PDK1: variants seen among roughly 807,000 people sequenced by gnomAD.
The protein encoded by PDK1 is pyruvate dehydrogenase kinase 1.
In PDK1, 39 loss-of-function variants were observed where a neutral mutation model predicts 54.2. The observed-to-expected ratio is 0.72, with a 90% CI of 0.56 to 0.94. The LOEUF (loss-of-function observed/expected upper bound fraction) is 0.94. Among genes scored for constraint, PDK1 ranks in the 40% least tolerant of loss-of-function variants. The probability of loss-of-function intolerance (pLI) is 0.00; values close to 1 mark genes in which losing one functional copy is unlikely to be tolerated. For synonymous variants in PDK1, 221 were observed against 207.1 expected (o/e 1.07, Z -0.58); for missense variants, 552 against 566.0 (o/e 0.98, Z 0.25).
Position 172,600,429 on chromosome 2 carries a change from A to AT in PDK1, c.*4463dup, listed in dbSNP as rs1691073471. ...AAACATATCTGGTTTAATATGAACT[A>AT]TTTCTTTTCATCTCTTTACTCTCAG... On this transcript the variant is annotated 3_prime_UTR_variant, in exon 11 of 11. Coordinates refer to ENST00000282077, the MANE Select transcript of PDK1 (RefSeq NM_002610.5). 6.6e-6 allele frequency: 1 copy of AT among 152,186 alleles called. No individual in the cohort carries two copies. The highest frequency in any genetic ancestry group is 1.5e-5 in the Non-Finnish European group (1 of 68,034). The allele number at this position is 152,186 out of a possible 1,614,324, so 9.4% of individuals were successfully genotyped here.
chr2:172,619,976 C>T, the PDK1 span, among the ~76,000 whole-genome samples: 7 of 152,116 alleles, frequency 4.6e-5, no homozygotes, highest in Non-Finnish European at 7.4e-5. Flanking sequence ...ACCAGCCTGG[C>T]CAACATGGCA....
chr2:172,582,626 A>T (rs1689975237), intron 8 of PDK1, among the ~76,000 whole-genome samples: 1 of 152,216 alleles, frequency 6.6e-6, no homozygotes. Flanking sequence ...TTTGTCATCA[A>T]AGGTACCATT....
chr2:172,691,267 C>G, the PDK1 span: 1 of 150,416 alleles, frequency 6.6e-6, no homozygotes, highest in East Asian at 2.1e-4. Context: ...ATTGATAAGC[C>G]TACATTGACA....
chr2:172,565,178 C>T (rs1268546138), intron 5 of PDK1, 105 bp downstream of exon 5: 7 of 699,096 alleles, frequency 1.0e-5, no homozygotes, highest in Non-Finnish European at 1.8e-5. Flanking sequence ...AAATGGTAGG[C>T]ACAAATGCAT....
In PDK1 at chr2:172,592,949, T is replaced by C. The variant is rs1450452449; in HGVS notation, c.1071T>C (p.Tyr357=). The C allele has an allele frequency of 1.9e-6, 3 of 1,609,090 alleles. No individual in the cohort carries two copies. The South Asian group carries it at 3.3e-5, about 18-fold the overall frequency. ...SRAVPLAGFG[Y]GLPISRLYAQ... ...TCATCAAACAGGCTGGTTTTGGTTATGGATTGCCCATATCACGTCTTTACG... is the reference window on the plus strand; with the variant it reads ...TCATCAAACAGGCTGGTTTTGGTTACGGATTGCCCATATCACGTCTTTACG... The change falls in exon 10 of 11, where the codon TAT becomes TAC. Residue 357 remains tyrosine (Y), a synonymous_variant. Coordinates refer to ENST00000282077, the MANE Select transcript of PDK1 (RefSeq NM_002610.5).
At chr2:172,661,444 C>T in the PDK1 span, among the ~76,000 whole-genome samples, 1 of 152,074 alleles carries the variant, frequency 6.6e-6, no homozygotes, top group African/African-American at 2.4e-5. Flanking sequence ...GGGGAAATAC[C>T]ACATAATCAT....
Position 172,556,389 on chromosome 2 carries a change from G to A in PDK1, c.196+43G>A, listed in dbSNP as rs753277858. On this transcript the variant is annotated intron_variant, in intron 1 of 10. Coordinates refer to ENST00000282077, the MANE Select transcript of PDK1 (RefSeq NM_002610.5). ...CCTTGGGCCTTTTTGCGCGGTCCCG[G>A]GCGGGGAGCTGCGGCCGCTGCCCCA... 1.7e-4 allele frequency: 223 copies of A among 1,339,806 alleles called. 2 individuals carry two copies. Among genetic ancestry groups the A allele is most frequent in the Middle Eastern group, 4.1e-4 (2 of 4,876 alleles). 83.0% of individuals were successfully genotyped at this position (1,339,806 alleles called of 1,614,324 possible). A position where few individuals can be genotyped will look rare whatever the true frequency, so the allele number is the denominator to read the frequency against.
intron 9 of PDK1, among the ~76,000 whole-genome samples, chr2:172,589,778 A>T (rs1361088011): frequency 6.6e-6 from 1 of 152,206 alleles, no homozygotes; most frequent in East Asian, 1.9e-4. Flanking sequence ...ATGTCATCAA[A>T]CATATGACTT....
chr2:172,698,554 G>A, the PDK1 span, among the ~76,000 whole-genome samples: 1 of 152,308 alleles, frequency 6.6e-6, no homozygotes, highest in African/African-American at 2.4e-5. Context: ...AAGCCTAATG[G>A]TTGGAACTTG....
At chr2:172,681,929 T>A in the PDK1 span, among the ~76,000 whole-genome samples, 1 of 152,170 alleles carries the variant, frequency 6.6e-6, no homozygotes, top group African/African-American at 2.4e-5. Context: ...GGCTAATTTT[T>A]GTATTTTTAG....
the PDK1 span, among the ~76,000 whole-genome samples, chr2:172,699,280 A>G: frequency 6.6e-6 from 1 of 152,240 alleles, no homozygotes; most frequent in Non-Finnish European, 1.5e-5. Flanking sequence ...AACATAATAA[A>G]TGGCATGGAA....
chr2:172,632,678 G>T, the PDK1 span, among the ~76,000 whole-genome samples: 2 of 152,116 alleles, frequency 1.3e-5, no homozygotes, highest in East Asian at 3.9e-4. Context: ...AAATAATGAT[G>T]CATTAGAACA....
At chr2:172,617,019 G>A in the PDK1 span, among the ~76,000 whole-genome samples, 23 of 151,980 alleles carry the variant, frequency 1.5e-4, no homozygotes, top group African/African-American at 5.6e-4. Context: ...GCGTGATCTC[G>A]GCTCACTGCA....
chr2:172,610,384 G>C (rs185500500), downstream of PDK1, among the ~76,000 whole-genome samples: 6 of 152,202 alleles, frequency 3.9e-5, no homozygotes, highest in Middle Eastern at 3.4e-3. Context: ...TGGGCACACC[G>C]GATCTCTTTG....
At chr2:172,705,939 G>A in the PDK1 span, among the ~76,000 whole-genome samples, 1 of 152,200 alleles carries the variant, frequency 6.6e-6, no homozygotes. Context: ...TACTTTGAGA[G>A]GAAGAAGGCT....
rs749747531 is a variant in PDK1 at position 172,593,064 on chromosome 2, T to C, written c.1170+16T>C. 1.4e-5 allele frequency: 18 copies of C among 1,241,762 alleles called. No homozygotes were observed. The highest frequency in any genetic ancestry group is 2.1e-5 in the Non-Finnish European group (18 of 847,804). 76.9% of individuals were successfully genotyped at this position (1,241,762 alleles called of 1,614,324 possible). A position where few individuals can be genotyped will look rare whatever the true frequency, so the allele number is the denominator to read the frequency against. On this transcript the variant is annotated intron_variant, in intron 10 of 10. Transcript: ENST00000282077. ...CTACATTAAGGTAATAGCTGTAGTCTTCTTGATTTAATATTTCTTTTGATG... is the reference window on the plus strand; with the variant it reads ...CTACATTAAGGTAATAGCTGTAGTCCTCTTGATTTAATATTTCTTTTGATG...
intron 9 of PDK1, among the ~76,000 whole-genome samples, chr2:172,589,194 C>G (rs1690431222): frequency 6.6e-6 from 1 of 152,236 alleles, no homozygotes. Context: ...CCTGCTCATA[C>G]AGTTTTCTTC....
chr2:172,659,543 C>T, the PDK1 span, among the ~76,000 whole-genome samples: 1 of 152,118 alleles, frequency 6.6e-6, no homozygotes, highest in African/African-American at 2.4e-5. Flanking sequence ...CAGCACCCCA[C>T]AACCGAAAAA....
chr2:172,658,021 C>T, the PDK1 span, among the ~76,000 whole-genome samples: 2 of 152,130 alleles, frequency 1.3e-5, no homozygotes, highest in Non-Finnish European at 2.9e-5. Flanking sequence ...GGGAAAGTGC[C>T]TGGCTCCTTC....
Sources: allele counts gnomAD v4.1 joint callset (sites outside exome capture counted in the v4.1 genomes callset), GRCh38; gene constraint gnomAD v4.1.1; transcripts MANE v1.5; gene names NCBI Gene and HGNC (gene_info 2026-07-23, HGNC 2026-07-21).